The following DHRS2 variants were observed in gnomAD, a reference collection of about 807,000 sequenced individuals.
DHRS2 encodes dehydrogenase/reductase 2, also known as dehydrogenase/reductase SDR family member 2, mitochondrial.
In DHRS2, 29 loss-of-function variants were observed where a neutral mutation model predicts 26.3. The observed-to-expected ratio is 1.10, with a 90% CI of 0.82 to 1.50. DHRS2 has a LOEUF of 1.50. Among genes scored for constraint, DHRS2 ranks in the 40% most tolerant of loss-of-function variants. The pLI is 0.00. For missense variants in DHRS2, 439 were observed against 367.1 expected, an observed-to-expected ratio of 1.20 and a Z score of -1.60; for synonymous variants, 164 against 151.3, an observed-to-expected ratio of 1.08 and a Z score of -0.62.
Position 23,644,895 on chromosome 14 carries a change from T to C in DHRS2, c.731+13T>C. 4 of 1,614,050 alleles carry C rather than the reference T, an allele frequency of 2.5e-6. No individual in the cohort carries two copies. The highest frequency in any genetic ancestry group is 3.4e-6 in the Non-Finnish European group (4 of 1,179,916). On this transcript the variant is annotated intron_variant, in intron 8 of 8. Coordinates refer to ENST00000250383, the MANE Select transcript of DHRS2 (RefSeq NM_005794.4). ...ATCAGCTGCAGAGGCAAGTGGGGTT[T>C]GGAGATTTGGTGGTCCATGTGTGGC...
At position 23,645,127 on chromosome 14, in the gene DHRS2, CCTT is replaced by C. The variant is rs770829260; in HGVS notation, c.732-10_732-8del. ...GAGTACAAGATGCTTGACACTGTGT[CCTT>C]CTTCCATCCAGGATTGGGGAGTCAG... On this transcript the variant is annotated splice_polypyrimidine_tract_variant and intron_variant, in intron 8 of 8. Coordinates refer to ENST00000250383, the MANE Select transcript of DHRS2 (RefSeq NM_005794.4). 18 of 1,613,864 alleles carry C rather than the reference CCTT, an allele frequency of 1.1e-5. No individual in the cohort carries two copies. Among genetic ancestry groups the C allele is most frequent in the Middle Eastern group, 3.3e-4 (2 of 6,084 alleles).
rs1173102207 is a variant in DHRS2, at chr14:23,636,583, C to G, written c.-228C>G. 2.6e-5 allele frequency: 4 copies of G among 152,134 alleles called. No homozygotes were observed. The highest frequency in any genetic ancestry group is 5.9e-5 in the Non-Finnish European group (4 of 68,040). 9.4% of individuals were successfully genotyped at this position (152,134 alleles called of 1,614,324 possible). ...CACCATCTTTAAGAACCGTAATACTCACCGCAAGGGTCTGCAACTTCATTC... is the reference window on the plus strand; with the variant it reads ...CACCATCTTTAAGAACCGTAATACTGACCGCAAGGGTCTGCAACTTCATTC... On this transcript the variant is annotated 5_prime_UTR_variant, in exon 1 of 9. Transcript: ENST00000250383.
At position 23,644,976 on chromosome 14, in the gene DHRS2, A is replaced by G. The variant is rs748953409; in HGVS notation, c.731+94A>G. The stretch of plus-strand genomic sequence containing the variant: ...GCAGACCCCTCCCTGTCATCTGGCC[A>G]TTGTTTTTGCTGAAATCTGGAGTCC... On this transcript the variant is annotated intron_variant, in intron 8 of 8. Coordinates refer to ENST00000250383, the MANE Select transcript of DHRS2 (RefSeq NM_005794.4). The G allele has an allele frequency of 2.6e-6, 4 of 1,566,324 alleles. No homozygotes were observed. In the Admixed American group the frequency reaches 5.0e-5, roughly 20 times the overall value.
At position 23,644,857 on chromosome 14, in the gene DHRS2, T is replaced by C. The variant is rs764460826; in HGVS notation, c.706T>C (p.Phe236Leu). 1 of 1,614,216 alleles carries C rather than the reference T, an allele frequency of 6.2e-7. No homozygotes were observed. The highest frequency in any genetic ancestry group is 2.2e-5 in the East Asian group (1 of 44,890). ...FHGNESLWKN[F>L]KEHHQLQRIG... ...TGGGAATGAGTCTCTCTGGAAGAACTTCAAGGAACATCATCAGCTGCAGAG... is the reference window on the plus strand; with the variant it reads ...TGGGAATGAGTCTCTCTGGAAGAACCTCAAGGAACATCATCAGCTGCAGAG... The change falls in exon 8 of 9, where the codon TTC becomes CTC. Residue 236 changes from phenylalanine to leucine, a missense_variant. Coordinates refer to ENST00000250383, the MANE Select transcript of DHRS2 (RefSeq NM_005794.4).
At chr14:23,632,722 A>G (rs1890154426), upstream of DHRS2, among the ~76,000 whole-genome samples, 1 of 152,218 alleles carries the variant, frequency 6.6e-6, no homozygotes, top group African/African-American at 2.4e-5. Flanking sequence ...CTTAGTAACC[A>G]GGAGTCCCTT....
intron 1 of DHRS2, 92 bp from the exon 2 acceptor site, chr14:23,638,735 C>T: frequency 7.5e-7 from 1 of 1,339,282 alleles, no homozygotes; most frequent in Non-Finnish European, 1.0e-6. Context: ...CTTTCTGTTG[C>T]TGGCCTTGTC....
At chr14:23,630,392 C>G (rs192904310) in intron 1 of DHRS2, among the ~76,000 whole-genome samples, 32 of 152,340 alleles carry the variant, frequency 2.1e-4, no homozygotes, top group African/African-American at 7.0e-4. Flanking sequence ...CTTCCTGCCT[C>G]TATGTCTGCA....
Position 23,645,477 on chromosome 14 carries a change from G to A in DHRS2, c.*224G>A. The A allele has an allele frequency of 4.5e-6, 4 of 882,852 alleles. No individual in the cohort carries two copies. The highest frequency in any genetic ancestry group is 6.7e-6 in the Non-Finnish European group (4 of 599,102). 54.7% of individuals were successfully genotyped at this position (882,852 alleles called of 1,614,324 possible). A position where few individuals can be genotyped will look rare whatever the true frequency, so the allele number is the denominator to read the frequency against. ...ATCCAATTAACATGTGGGGTTCTTGGTGTGGGTCTGGGGAGCTGAAGGATT... is the reference window on the plus strand; with the variant it reads ...ATCCAATTAACATGTGGGGTTCTTGATGTGGGTCTGGGGAGCTGAAGGATT... On this transcript the variant is annotated 3_prime_UTR_variant, in exon 9 of 9. Coordinates refer to ENST00000250383, the MANE Select transcript of DHRS2 (RefSeq NM_005794.4).
chr14:23,643,084 T>C (rs1890732975), intron 4 of DHRS2, 68 bp from the exon 5 acceptor site: 1 of 1,519,000 alleles, frequency 6.6e-7, no homozygotes, highest in African/African-American at 1.4e-5. Flanking sequence ...GCTCCAAGTG[T>C]CTTATGAGAG....
chr14:23,640,519 T>C, intron 4 of DHRS2: 1 of 844,782 alleles, frequency 1.2e-6, no homozygotes, highest in Non-Finnish European at 1.4e-6. Flanking sequence ...TTGGGCCTAG[T>C]TGTTCCCCAG....
chr14:23,645,022 A>G (rs1890819983), intron 8 of DHRS2, 120 bp from the exon 9 acceptor site: 1 of 1,564,612 alleles, frequency 6.4e-7, no homozygotes, highest in Non-Finnish European at 8.8e-7. Context: ...GGAGGGTGCA[A>G]GTAGCCCTGC....
At chr14:23,635,094 G>T (rs1890233937), upstream of DHRS2, among the ~76,000 whole-genome samples, 1 of 151,188 alleles carries the variant, frequency 6.6e-6, no homozygotes, top group South Asian at 2.1e-4. Context: ...ACAGGGTCTT[G>T]CTCTCTCTCC....
intron 6 of DHRS2, 38 bp downstream of exon 6, chr14:23,644,200 G>T (rs1487917119): frequency 2.5e-6 from 4 of 1,609,538 alleles, no homozygotes; most frequent in African/African-American, 2.7e-5. Flanking sequence ...GTGGTATAGG[G>T]TGAGGGGCAA....
chr14:23,640,347 G>T (rs1233267056), intron 4 of DHRS2: 4 of 985,350 alleles, frequency 4.1e-6, no homozygotes, highest in African/African-American at 1.7e-5. Flanking sequence ...CTAGAAGGGG[G>T]CTCCTCACTG....
At chr14:23,636,268 A>T (rs1046369631), upstream of DHRS2, 1 of 152,192 alleles carries the variant, frequency 6.6e-6, no homozygotes, top group Non-Finnish European at 1.5e-5. Flanking sequence ...AGCTCTCTGT[A>T]AAATGGACCA....
In DHRS2 at chr14:23,639,775, TC is replaced by T; in HGVS notation, c.319-17del. ...CCTCCTCAGGCCATCTCCACACTCA[TC>T]CAATCTCCTCTCCGCAGGCCCTGGA... is the stretch of plus-strand genomic sequence containing the variant. On this transcript the variant is annotated intron_variant, in intron 3 of 8. Transcript: ENST00000250383. The T allele has an allele frequency of 6.3e-7, 1 of 1,593,370 alleles. No homozygotes were observed. The highest frequency in any genetic ancestry group is 8.5e-7 in the Non-Finnish European group (1 of 1,169,894).
chr14:23,633,317 T>C (rs1038433554), upstream of DHRS2, among the ~76,000 whole-genome samples: 1 of 152,154 alleles, frequency 6.6e-6, no homozygotes, highest in African/African-American at 2.4e-5. Context: ...GGACATCCCT[T>C]CAGAGAGCTT....
chr14:23,644,800 A>G, intron 7 of DHRS2, 27 bp from the exon 8 acceptor site: 3 of 1,613,194 alleles, frequency 1.9e-6, no homozygotes, highest in Non-Finnish European at 2.5e-6. Flanking sequence ...AGTAGCACTG[A>G]CTCCTTCATT....
chr14:23,632,919 GCCC>G (rs1890160863), upstream of DHRS2, among the ~76,000 whole-genome samples: 2 of 152,192 alleles, frequency 1.3e-5, no homozygotes, highest in Non-Finnish European at 2.9e-5. Flanking sequence ...GTCCCTGAGT[GCCC>G]TGCTAACTAA....
Sources: allele counts gnomAD v4.1 joint callset (sites outside exome capture counted in the v4.1 genomes callset), GRCh38; gene constraint gnomAD v4.1.1; transcripts MANE v1.5; gene names NCBI Gene and HGNC (gene_info 2026-07-23, HGNC 2026-07-21).